Variants in NAALADL2 observed in about 807,000 individuals in gnomAD.
NAALADL2 encodes the protein inactive N-acetylated-alpha-linked acidic dipeptidase-like protein 2.
In NAALADL2, 76 loss-of-function variants were observed where a neutral mutation model predicts 87.2. That is an observed-to-expected ratio of 0.87 (90% CI 0.72 to 1.05). The LOEUF (loss-of-function observed/expected upper bound fraction) is 1.05. Ranked by LOEUF, NAALADL2 falls within the 50% of genes least tolerant of loss-of-function variation. The pLI is 0.00. For synonymous variants in NAALADL2, 354 were observed against 331.0 expected, an observed-to-expected ratio of 1.07 and a Z score of -0.75; for missense variants, 1,089 against 945.8, an observed-to-expected ratio of 1.15 and a Z score of -1.99.
chr3:175,380,073 T>G lies in NAALADL2; in HGVS notation c.1090+55748T>G, dbSNP rs578093227. ...GTGGGGTGTGGGCAGAGGGGAGAGA[T>G]AGCATTAGGAGATATACCTAATGCT... On this transcript the variant is annotated intron_variant, in intron 5 of 13. Coordinates refer to ENST00000454872, the MANE Select transcript of NAALADL2 (RefSeq NM_207015.3). Among the ~76,000 whole-genome samples, 267 of 152,054 alleles carry G rather than the reference T, an allele frequency of 1.8e-3. 1 individual carries two copies. Among genetic ancestry groups the G allele is most frequent in the African/African-American group, 6.1e-3 (254 of 41,468 alleles).
chr3:174,983,012 A>G (rs550031599), intron 1 of NAALADL2, among the ~76,000 whole-genome samples: 9 of 152,154 alleles, frequency 5.9e-5, no homozygotes, highest in African/African-American at 2.2e-4. Flanking sequence ...GTTAGCCAGG[A>G]TGGTCTCGAT....
At chr3:174,474,414 T>G (rs1257765650) in intron 1 of NAALADL2, among the ~76,000 whole-genome samples, 2 of 152,126 alleles carry the variant, frequency 1.3e-5, no homozygotes, top group East Asian at 3.9e-4. Flanking sequence ...TGAGAGTTTT[T>G]CAATGAAGAA....
chr3:175,347,932 G>C (rs1763325335), intron 5 of NAALADL2, among the ~76,000 whole-genome samples: 2 of 151,924 alleles, frequency 1.3e-5, no homozygotes, highest in South Asian at 2.1e-4. Context: ...TCCCCTCCCT[G>C]TGTCCATGTG....
intron 2 of NAALADL2, among the ~76,000 whole-genome samples, chr3:174,652,904 G>T (rs920357067): frequency 6.6e-6 from 1 of 152,028 alleles, no homozygotes. Flanking sequence ...ATAGGCAAAA[G>T]ACTTAATAGG....
intron 5 of NAALADL2, among the ~76,000 whole-genome samples, chr3:175,383,532 C>T (rs1442722102): frequency 6.6e-6 from 1 of 152,010 alleles, no homozygotes; most frequent in East Asian, 1.9e-4. Context: ...ACTTATTCCT[C>T]CTGTCTAAAT....
intron 2 of NAALADL2, among the ~76,000 whole-genome samples, chr3:174,690,592 C>G (rs1184932486): frequency 6.6e-6 from 1 of 152,080 alleles, no homozygotes; most frequent in Non-Finnish European, 1.5e-5. Flanking sequence ...ATACCCCCAG[C>G]AAATTCTATT....
intron 3 of NAALADL2, among the ~76,000 whole-genome samples, chr3:174,776,895 C>T (rs540256001): frequency 1.3e-5 from 2 of 152,252 alleles, no homozygotes; most frequent in South Asian, 4.1e-4. Flanking sequence ...GTGCACAGAA[C>T]ATTGTGTGAC....
intron 1 of NAALADL2, among the ~76,000 whole-genome samples, chr3:175,006,065 T>C (rs1748980935): frequency 6.6e-6 from 1 of 152,220 alleles, no homozygotes; most frequent in Non-Finnish European, 1.5e-5. Flanking sequence ...GCTTCAAGCT[T>C]GCCAGGTTCC....
chr3:175,121,929 A>G (rs1726214095), intron 2 of NAALADL2, among the ~76,000 whole-genome samples: 1 of 151,598 alleles, frequency 6.6e-6, no homozygotes, highest in Non-Finnish European at 1.5e-5. Flanking sequence ...TCATTCTTGT[A>G]TCTGTGATCT....
chr3:174,636,194 G>A (rs1722631072), intron 2 of NAALADL2, among the ~76,000 whole-genome samples: 1 of 152,112 alleles, frequency 6.6e-6, no homozygotes, highest in Non-Finnish European at 1.5e-5. Flanking sequence ...AACTCGAGAT[G>A]TATTAAGGAC....
rs549352006 is a variant in NAALADL2, at chr3:174,709,951, T to C, written c.-114-27690T>C. 1.6e-3 allele frequency among the ~76,000 whole-genome samples: 248 copies of C among 152,358 alleles called. 1 individual carries two copies. Among genetic ancestry groups the C allele is most frequent in the African/African-American group, 5.9e-3 (244 of 41,592 alleles). On this transcript the variant is annotated intron_variant, in intron 2 of 3. Coordinates refer to the NAALADL2 transcript ENST00000434257. ...TGTGTGTGTCCTTTCATTCAAGGTG[T>C]ATATCATTTATAAGGCCTTTGTTTA...
chr3:174,919,944 A>G (rs1236293011), intron 1 of NAALADL2, among the ~76,000 whole-genome samples: 4 of 152,154 alleles, frequency 2.6e-5, no homozygotes, highest in Non-Finnish European at 5.9e-5. Context: ...GACCAGATGC[A>G]TCGTCAATGA....
chr3:174,780,504 A>G (rs950209225), intron 3 of NAALADL2, among the ~76,000 whole-genome samples: 2 of 152,180 alleles, frequency 1.3e-5, no homozygotes, highest in Non-Finnish European at 1.5e-5. Flanking sequence ...CCTGGCCAGA[A>G]CTTCCAATAT....
intron 11 of NAALADL2, among the ~76,000 whole-genome samples, chr3:175,629,593 C>T (rs1324122611): frequency 2.6e-5 from 4 of 151,390 alleles, no homozygotes; most frequent in East Asian, 1.9e-4. Flanking sequence ...AATGTTGCCA[C>T]GAGAACATAG....
At chr3:175,691,764 A>G (rs1178828124) in intron 11 of NAALADL2, among the ~76,000 whole-genome samples, 4 of 152,104 alleles carry the variant, frequency 2.6e-5, no homozygotes, top group African/African-American at 9.7e-5. Context: ...AACATTCATG[A>G]AGTACAGTGG....
chr3:175,729,063 T>G (rs374199707), intron 11 of NAALADL2, among the ~76,000 whole-genome samples: 1 of 152,144 alleles, frequency 6.6e-6, no homozygotes, highest in African/African-American at 2.4e-5. Flanking sequence ...CGTTATGTGG[T>G]TTGTTTAGAG....
At chr3:174,910,606 T>A (rs943350824) in intron 1 of NAALADL2, among the ~76,000 whole-genome samples, 10 of 151,956 alleles carry the variant, frequency 6.6e-5, no homozygotes, top group Non-Finnish European at 1.5e-4. Flanking sequence ...GGAGTTAATA[T>A]CCAGTCCTGC....
At chr3:174,611,086 G>T (rs1719806914) in intron 2 of NAALADL2, among the ~76,000 whole-genome samples, 1 of 149,690 alleles carries the variant, frequency 6.7e-6, no homozygotes, top group African/African-American at 2.5e-5. Flanking sequence ...AACACTGCAT[G>T]TTGTCACTCA....
chr3:174,677,774 G>A lies in NAALADL2; in HGVS notation c.-114-59867G>A, dbSNP rs116860636. 6.5e-3 allele frequency among the ~76,000 whole-genome samples: 990 copies of A among 151,868 alleles called. 13 individuals carry two copies. Among genetic ancestry groups the A allele is most frequent in the East Asian group, 0.03 (156 of 5,172 alleles). ...TGCCTGAATGAAGCTTATCTAACAT[G>A]CATTTTCTCCATGAGGAACATCAGA... On this transcript the variant is annotated intron_variant, in intron 2 of 3. Coordinates refer to the NAALADL2 transcript ENST00000434257.
Sources: allele counts gnomAD v4.1 joint callset (sites outside exome capture counted in the v4.1 genomes callset), GRCh38; gene constraint gnomAD v4.1.1; transcripts MANE v1.5; gene names NCBI Gene and HGNC (gene_info 2026-07-23, HGNC 2026-07-21).